ZNF385D: variants seen among roughly 807,000 people sequenced by gnomAD.
The protein encoded by ZNF385D is zinc finger protein 385D, also known as zinc finger protein 659.
A neutral mutation model predicts 35.8 loss-of-function variants in ZNF385D; 15 were observed. That is an observed-to-expected ratio of 0.42 (90% CI 0.28 to 0.64). ZNF385D has a LOEUF of 0.64. Among genes scored for constraint, ZNF385D ranks in the 30% least tolerant of loss-of-function variants. The probability of loss-of-function intolerance (pLI) is 0.23; values close to 1 mark genes in which losing one functional copy is unlikely to be tolerated. For synonymous variants in ZNF385D, 212 were observed against 186.8 expected, an observed-to-expected ratio of 1.13 and a Z score of -1.10; for missense variants, 474 against 494.6, an observed-to-expected ratio of 0.96 and a Z score of 0.39.
In ZNF385D at chr3:22,143,185, C is replaced by T. The variant is rs13094519; in HGVS notation, c.325+25632G>A. Among the ~76,000 whole-genome samples the T allele has an allele frequency of 6.4e-3, 978 of 151,736 alleles. 10 individuals are homozygous for T. Among genetic ancestry groups the T allele is most frequent in the African/African-American group, 0.021 (875 of 41,378 alleles). ...CTAAGCTCCGCCTCCCAAGTTCACTCCATTCTCCTGCCTCAGCCTCCGGAG... is the reference window on the plus strand; with the variant it reads ...CTAAGCTCCGCCTCCCAAGTTCACTTCATTCTCCTGCCTCAGCCTCCGGAG... On this transcript the variant is annotated intron_variant, in intron 3 of 5. Coordinates refer to the ZNF385D transcript ENST00000494108.
At chr3:22,128,172 T>A (rs967775702) in intron 3 of ZNF385D, among the ~76,000 whole-genome samples, 9 of 152,172 alleles carry the variant, frequency 5.9e-5, no homozygotes, top group Non-Finnish European at 1.3e-4. Flanking sequence ...AAGTTAAAAG[T>A]TTTTTTCCAT....
intron 3 of ZNF385D, chr3:21,979,682 C>T (rs894036129): frequency 4.6e-5 from 7 of 152,116 alleles, no homozygotes; most frequent in African/African-American, 1.7e-4. Context: ...TATTGTATCT[C>T]AGCAGAGATG....
rs191494192 is a variant in ZNF385D, at chr3:21,824,350, A to G, written c.326-159322T>C. On this transcript the variant is annotated intron_variant, in intron 3 of 5. Transcript: ENST00000494108. ...AACAACTGTTGAGACACATTTGTCC[A>G]TATACATGAATACAACTGTGTAACA... 4.2e-3 allele frequency among the ~76,000 whole-genome samples: 635 copies of G among 152,350 alleles called. 5 individuals carry two copies. Among genetic ancestry groups the G allele is most frequent in the African/African-American group, 0.015 (610 of 41,584 alleles).
chr3:21,598,369 CAGT>C (rs1486439008), intron 2 of ZNF385D, among the ~76,000 whole-genome samples: 2 of 151,974 alleles, frequency 1.3e-5, no homozygotes, highest in East Asian at 1.9e-4. Context: ...GAAAAATCCA[CAGT>C]AATAATTTTA....
At chr3:21,857,890 G>A (rs1696818008) in intron 3 of ZNF385D, among the ~76,000 whole-genome samples, 4 of 151,868 alleles carry the variant, frequency 2.6e-5, no homozygotes, top group Admixed American at 2.6e-4. Flanking sequence ...TTAATAAATA[G>A]CCATGGAACA....
At chr3:21,899,744 A>C (rs1255799823) in intron 3 of ZNF385D, among the ~76,000 whole-genome samples, 1 of 152,128 alleles carries the variant, frequency 6.6e-6, no homozygotes, top group Non-Finnish European at 1.5e-5. Flanking sequence ...TGCTCCTACT[A>C]AACATAATAT....
At chr3:21,722,973 A>G (rs1160436583) in intron 1 of ZNF385D, among the ~76,000 whole-genome samples, 2 of 152,100 alleles carry the variant, frequency 1.3e-5, no homozygotes, top group East Asian at 1.9e-4. Context: ...TTTGAGTCCT[A>G]GCTCACATAT....
intron 3 of ZNF385D, among the ~76,000 whole-genome samples, chr3:22,165,000 T>A (rs1301847503): frequency 1.3e-5 from 2 of 152,170 alleles, no homozygotes; most frequent in African/African-American, 4.8e-5. Context: ...TCAGTGGTTA[T>A]GAGGGAGGGA....
chr3:21,807,924 A>C (rs1386865877), intron 3 of ZNF385D, among the ~76,000 whole-genome samples: 3 of 152,170 alleles, frequency 2.0e-5, no homozygotes, highest in Non-Finnish European at 4.4e-5. Flanking sequence ...TTATAGAAGG[A>C]AATTGTTTCT....
At chr3:21,998,232 G>A (rs1478121366) in intron 3 of ZNF385D, among the ~76,000 whole-genome samples, 1 of 152,082 alleles carries the variant, frequency 6.6e-6, no homozygotes, top group African/African-American at 2.4e-5. Flanking sequence ...TAGCCAGGCA[G>A]CAATCCATGA....
intron 3 of ZNF385D, among the ~76,000 whole-genome samples, chr3:21,941,627 AACTGGG>A (rs1341112059): frequency 6.6e-6 from 1 of 151,160 alleles, no homozygotes; most frequent in African/African-American, 2.4e-5. Context: ...CCTCCCGAGT[AACTGGG>A]ACCACAGGCG....
intron 2 of ZNF385D, among the ~76,000 whole-genome samples, chr3:21,588,974 T>A (rs2063892981): frequency 6.6e-6 from 1 of 152,218 alleles, no homozygotes; most frequent in South Asian, 2.1e-4. Flanking sequence ...TTCTAGGTTT[T>A]GGGGTTTCAG....
intron 3 of ZNF385D, among the ~76,000 whole-genome samples, chr3:21,895,236 G>C (rs1029798302): frequency 1.3e-5 from 2 of 151,354 alleles, no homozygotes; most frequent in African/African-American, 4.8e-5. Flanking sequence ...AAAAAGATAG[G>C]AGTCAGAACA....
intron 3 of ZNF385D, among the ~76,000 whole-genome samples, chr3:21,545,629 C>T (rs190765016): frequency 6.0e-4 from 91 of 152,204 alleles, no homozygotes; most frequent in African/African-American, 2.1e-3. Flanking sequence ...TTTTCTTTTG[C>T]ATTAGAACAC....
chr3:21,751,098 C>T lies in ZNF385D; in HGVS notation c.-182G>A. Reference sequence around the variant, plus strand: ...CGCCTTGCAGGCTGCCTTTCCAGGGCTAAGATCCCCGGCGGCTGGAGAGTG... The same window carrying T: ...CGCCTTGCAGGCTGCCTTTCCAGGGTTAAGATCCCCGGCGGCTGGAGAGTG... On this transcript the variant is annotated 5_prime_UTR_variant, in exon 1 of 8. The change abolishes the stop of an existing upstream ORF in the 5' untranslated region. Coordinates refer to ENST00000281523, the MANE Select transcript of ZNF385D (RefSeq NM_024697.3). 6.7e-7 allele frequency: 1 copy of T among 1,484,838 alleles called. No homozygotes were observed. The highest frequency in any genetic ancestry group is 9.0e-7 in the Non-Finnish European group (1 of 1,116,532). 92.0% of individuals were successfully genotyped at this position (1,484,838 alleles called of 1,614,324 possible).
intron 2 of ZNF385D, among the ~76,000 whole-genome samples, chr3:22,292,705 A>G (rs946445323): frequency 1.3e-5 from 2 of 152,052 alleles, no homozygotes; most frequent in East Asian, 3.9e-4. Flanking sequence ...TGTAACAAGT[A>G]TTTGTTTTCT....
intron 3 of ZNF385D, among the ~76,000 whole-genome samples, chr3:22,123,541 G>A (rs899347341): frequency 6.6e-6 from 1 of 152,120 alleles, no homozygotes; most frequent in Non-Finnish European, 1.5e-5. Context: ...ATTCTAAAAT[G>A]TATATAAAAT....
chr3:21,528,967 C>T lies in ZNF385D; in HGVS notation c.277-17944G>A, dbSNP rs1356305083. Among the ~76,000 whole-genome samples, 3 of 152,108 alleles carry T rather than the reference C, an allele frequency of 2.0e-5. No individual in the cohort carries two copies. In the East Asian group the frequency reaches 5.8e-4, roughly 29 times the overall value. ...GAATATAACATATATTTTTGGAGGC[C>T]TCTTTTGAGTATTTCTTTAGAAAGA... On this transcript the variant is annotated intron_variant, in intron 3 of 7. Transcript: ENST00000281523.
chr3:22,370,075 A>G (rs1696833905), intron 2 of ZNF385D, among the ~76,000 whole-genome samples: 1 of 152,198 alleles, frequency 6.6e-6, no homozygotes, highest in African/African-American at 2.4e-5. Flanking sequence ...CCTGGTAAAT[A>G]GCAAGTCACA....
Sources: allele counts gnomAD v4.1 joint callset (sites outside exome capture counted in the v4.1 genomes callset), GRCh38; gene constraint gnomAD v4.1.1; transcripts MANE v1.5; gene names NCBI Gene and HGNC (gene_info 2026-07-23, HGNC 2026-07-21).